The following GFOD1 variants were observed in gnomAD, a reference collection of about 807,000 sequenced individuals.
GFOD1 encodes glucose-fructose oxidoreductase domain-containing protein 1.
A neutral mutation model predicts 25.4 loss-of-function variants in GFOD1; 9 were observed. That is an observed-to-expected ratio of 0.35 (90% CI 0.21 to 0.62). GFOD1 has a LOEUF of 0.62. Ranked by LOEUF, GFOD1 falls within the 20% of genes least tolerant of loss-of-function variation. The pLI, the probability that GFOD1 is intolerant of heterozygous loss-of-function variation, is 0.72. For synonymous variants in GFOD1, 253 were observed against 245.6 expected (o/e 1.03, Z -0.28); for missense variants, 403 against 556.9 (o/e 0.72, Z 2.78).
In GFOD1 at chr6:13,467,636, T is replaced by C. The variant is rs181749192; in HGVS notation, c.253+19002A>G. ...TGGAAGGCTGAATGGCGCATTTTCT[T>C]TGGAAGGCTGAATGAAGCCAACAAG... On this transcript the variant is annotated intron_variant, in intron 1 of 1. Coordinates refer to ENST00000379287, the MANE Select transcript of GFOD1 (RefSeq NM_018988.4). Among the ~76,000 whole-genome samples the C allele has an allele frequency of 1.3e-3, 195 of 152,358 alleles. 1 individual carries two copies. The highest frequency in any genetic ancestry group is 2.3e-3 in the Non-Finnish European group (156 of 68,040).
intron 1 of GFOD1, among the ~76,000 whole-genome samples, chr6:13,477,113 C>T (rs1347446378): frequency 2.0e-5 from 3 of 152,102 alleles, no homozygotes; most frequent in East Asian, 1.9e-4. Context: ...TCCACCGACG[C>T]GTCTTCCAGG....
Position 13,365,878 on chromosome 6 carries a change from C to CAGT in GFOD1, c.254-217_254-216insACT, listed in dbSNP as rs1176125576. On this transcript the variant is annotated intron_variant, in intron 1 of 1. Transcript: ENST00000379287. The surrounding 1 kb of genome is among the most constrained non-coding windows in gnomAD (Gnocchi z 9.2). ...TGGGTAACACAGAGAGATCCTGTCTCAATAATAATAATAATAATAATAATA... is the reference window on the plus strand; with the variant it reads ...TGGGTAACACAGAGAGATCCTGTCTCAGTAATAATAATAATAATAATAATAATA... 7.5e-6 allele frequency among the ~76,000 whole-genome samples: 1 copy of CAGT among 133,912 alleles called. No homozygotes were observed. Among genetic ancestry groups the CAGT allele is most frequent in the East Asian group, 2.2e-4 (1 of 4,470 alleles). 87.9% of individuals were successfully genotyped at this position (133,912 alleles called of 152,430 possible). A position where few individuals can be genotyped will look rare whatever the true frequency, so the allele number is the denominator to read the frequency against.
intron 1 of GFOD1, among the ~76,000 whole-genome samples, chr6:13,428,487 T>C (rs1301411183): frequency 7.4e-6 from 1 of 135,146 alleles, no homozygotes; most frequent in Non-Finnish European, 1.6e-5. Flanking sequence ...TTCCATCACC[T>C]TCTGATCTCA....
chr6:13,424,584 C>G (rs761008456), intron 1 of GFOD1, among the ~76,000 whole-genome samples: 1 of 152,086 alleles, frequency 6.6e-6, no homozygotes, highest in South Asian at 2.1e-4. Flanking sequence ...GATACCCACA[C>G]GCTCTTAAGG....
intron 1 of GFOD1, among the ~76,000 whole-genome samples, chr6:13,423,672 A>G (rs1044514344): frequency 3.3e-5 from 5 of 152,200 alleles, no homozygotes; most frequent in Non-Finnish European, 5.9e-5. Flanking sequence ...GTGAGTCGGT[A>G]GCAGAACCGG....
At position 13,365,856 on chromosome 6, in the gene GFOD1, G is replaced by A. The variant is rs1785034734; in HGVS notation, c.254-194C>T. ...GCCCAGGAGTTGGAGGCCAGCCTGG[G>A]TAACACAGAGAGATCCTGTCTCAAT... On this transcript the variant is annotated intron_variant, in intron 1 of 1. Coordinates refer to ENST00000379287, the MANE Select transcript of GFOD1 (RefSeq NM_018988.4). This position sits in a 1 kb window ranked among gnomAD's most constrained non-coding sequence, Gnocchi z 9.2. 6.7e-6 allele frequency among the ~76,000 whole-genome samples: 1 copy of A among 149,884 alleles called. No homozygotes were observed. The highest frequency in any genetic ancestry group is 2.1e-4 in the South Asian group (1 of 4,756).
intron 1 of GFOD1, chr6:13,470,245 C>A (rs150464914): frequency 6.3e-7 from 1 of 1,595,360 alleles, no homozygotes; most frequent in Non-Finnish European, 8.6e-7. Flanking sequence ...GGGCAATTGC[C>A]GGCTCATGAA....
intron 1 of GFOD1, among the ~76,000 whole-genome samples, chr6:13,429,553 T>C (rs956129902): frequency 1.3e-5 from 2 of 152,248 alleles, no homozygotes; most frequent in Non-Finnish European, 2.9e-5. Flanking sequence ...GCTGACGTCA[T>C]AAAGCTTGGC....
chr6:13,409,709 T>C (rs550403), intron 1 of GFOD1, among the ~76,000 whole-genome samples: 87,170 of 152,010 alleles, frequency 0.57, 28,819 homozygotes, highest in Non-Finnish European at 0.73. Context: ...ATCACGAGGT[T>C]GGGAGATTGA....
At chr6:13,478,147 T>C (rs1047152895) in intron 1 of GFOD1, among the ~76,000 whole-genome samples, 1 of 152,170 alleles carries the variant, frequency 6.6e-6, no homozygotes, top group African/African-American at 2.4e-5. Flanking sequence ...TTTGTTGTTT[T>C]TGTTTTGAGA....
Position 13,364,279 on chromosome 6 carries a change from T to C in GFOD1, c.*464A>G, listed in dbSNP as rs1784996263. Reference sequence around the variant, plus strand: ...CCAACCCCAGCCTAACACGCTTCTGTGGACTGTGAAAATGGGCCTTCTCCT... The same window carrying C: ...CCAACCCCAGCCTAACACGCTTCTGCGGACTGTGAAAATGGGCCTTCTCCT... On this transcript the variant is annotated 3_prime_UTR_variant, in exon 2 of 2. Transcript: ENST00000379287. The surrounding 1 kb of genome is among the most constrained non-coding windows in gnomAD (Gnocchi z 4.1). 1.2e-5 allele frequency: 2 copies of C among 170,218 alleles called. No individual in the cohort carries two copies. The highest frequency in any genetic ancestry group is 3.1e-4 in the South Asian group (2 of 6,462). The allele number at this position is 170,218 out of a possible 1,614,324, so 10.5% of individuals were successfully genotyped here. A position where few individuals can be genotyped will look rare whatever the true frequency, so the allele number is the denominator to read the frequency against.
At chr6:13,411,583 C>T (rs1199389418) in intron 1 of GFOD1, among the ~76,000 whole-genome samples, 1 of 152,150 alleles carries the variant, frequency 6.6e-6, no homozygotes, top group African/African-American at 2.4e-5. Flanking sequence ...TGAGCCACCG[C>T]GCCTGGCCCT....
chr6:13,364,701 T>A lies in GFOD1; in HGVS notation c.*42A>T, dbSNP rs1368851539. 3 of 1,523,024 alleles carry A rather than the reference T, an allele frequency of 2.0e-6. No individual in the cohort carries two copies. The South Asian group carries it at 3.5e-5, about 18-fold the overall frequency. 94.3% of individuals were successfully genotyped at this position (1,523,024 alleles called of 1,614,324 possible). On this transcript the variant is annotated 3_prime_UTR_variant, in exon 2 of 2. Transcript: ENST00000379287. This position sits in a 1 kb window ranked among gnomAD's most constrained non-coding sequence, Gnocchi z 4.1. Reference sequence around the variant, plus strand: ...CTCGGCCCTTCCCTCTCTGTGGACATCCCCTGCAGAAGGCTCAAGTCCCCG... The same window carrying A: ...CTCGGCCCTTCCCTCTCTGTGGACAACCCCTGCAGAAGGCTCAAGTCCCCG...
Position 13,363,753 on chromosome 6 carries a change from A to G in GFOD1, c.*990T>C, listed in dbSNP as rs1784986363. 1 of 152,018 alleles carries G rather than the reference A, an allele frequency of 6.6e-6. No individual in the cohort carries two copies. Among genetic ancestry groups the G allele is most frequent in the South Asian group, 2.1e-4 (1 of 4,814 alleles). 9.4% of individuals were successfully genotyped at this position (152,018 alleles called of 1,614,324 possible). ...CCCTCTATTTAGGAATTCACACTGC[A>G]ACACTGAGGCACACAGCTCTCCCCA... On this transcript the variant is annotated 3_prime_UTR_variant, in exon 2 of 2. Coordinates refer to ENST00000379287, the MANE Select transcript of GFOD1 (RefSeq NM_018988.4).
intron 1 of GFOD1, among the ~76,000 whole-genome samples, chr6:13,404,804 G>A (rs999927552): frequency 1.3e-5 from 2 of 152,160 alleles, no homozygotes; most frequent in Admixed American, 6.5e-5. Context: ...TCATGGGATC[G>A]GCCATGTAAA....
intron 1 of GFOD1, among the ~76,000 whole-genome samples, chr6:13,464,268 C>T (rs189514824): frequency 2.6e-5 from 4 of 152,308 alleles, no homozygotes; most frequent in African/African-American, 4.8e-5. Context: ...AGGCTCCAGA[C>T]GTTCATCTGG....
At chr6:13,439,699 G>A (rs548829831) in intron 1 of GFOD1, among the ~76,000 whole-genome samples, 6 of 152,320 alleles carry the variant, frequency 3.9e-5, no homozygotes, top group South Asian at 4.1e-4. Flanking sequence ...AAACATGTAT[G>A]TTAGATAATA....
At chr6:13,406,089 T>C (rs553844657) in intron 1 of GFOD1, among the ~76,000 whole-genome samples, 63 of 152,280 alleles carry the variant, frequency 4.1e-4, no homozygotes, top group African/African-American at 1.5e-3. Flanking sequence ...TCCCAACTGT[T>C]ATATTTTGGG....
chr6:13,448,592 A>C (rs1019783259), intron 1 of GFOD1, among the ~76,000 whole-genome samples: 4 of 152,230 alleles, frequency 2.6e-5, no homozygotes, highest in Non-Finnish European at 4.4e-5. Context: ...ATTTGAATAG[A>C]AAATGGAAGT....
Sources: allele counts gnomAD v4.1 joint callset (sites outside exome capture counted in the v4.1 genomes callset), GRCh38; gene constraint gnomAD v4.1.1; non-coding constraint Gnocchi (gnomAD v3.1); transcripts MANE v1.5; gene names NCBI Gene and HGNC (gene_info 2026-07-23, HGNC 2026-07-21).